The following IFNAR1 variants were observed in gnomAD, a reference collection of about 807,000 sequenced individuals.
The protein encoded by IFNAR1 is interferon alpha/beta receptor 1.
A neutral mutation model predicts 62.1 loss-of-function variants in IFNAR1; 47 were observed. The observed-to-expected ratio is 0.76, with a 90% CI of 0.60 to 0.97. IFNAR1 has a LOEUF of 0.97. Among genes scored for constraint, IFNAR1 ranks in the 50% least tolerant of loss-of-function variants. The pLI, the probability that IFNAR1 is intolerant of heterozygous loss-of-function variation, is 0.00. For synonymous variants in IFNAR1, 219 were observed against 226.9 expected, an observed-to-expected ratio of 0.97 and a Z score of 0.31; for missense variants, 638 against 654.5, an observed-to-expected ratio of 0.97 and a Z score of 0.27.
At chr21:33,325,231 C>A in intron 1 of IFNAR1, 100 bp downstream of exon 1, 3 of 1,028,182 alleles carry the variant, frequency 2.9e-6, no homozygotes, top group South Asian at 2.7e-5. Context: ...GACGCCCAGT[C>A]TGGGAAACCT....
chr21:33,332,058 A>G (rs1197877466), intron 1 of IFNAR1, among the ~76,000 whole-genome samples: 1 of 152,018 alleles, frequency 6.6e-6, no homozygotes, highest in East Asian at 1.9e-4. Context: ...CCCAGTAGCC[A>G]CTCTGAATAC....
intron 6 of IFNAR1, among the ~76,000 whole-genome samples, chr21:33,347,442 T>C (rs1276377432): frequency 6.6e-6 from 1 of 152,146 alleles, no homozygotes; most frequent in African/African-American, 2.4e-5. Flanking sequence ...TTTTTTTGTA[T>C]TTTTAGTAGA....
At chr21:33,355,161 G>A (rs2083435219) in intron 10 of IFNAR1, among the ~76,000 whole-genome samples, 155 bp from the exon 11 acceptor site, 1 of 152,056 alleles carries the variant, frequency 6.6e-6, no homozygotes, top group South Asian at 2.1e-4. Context: ...ACATTATAAG[G>A]CAATTAGTAT....
At chr21:33,327,020 A>G (rs1224191198) in intron 1 of IFNAR1, among the ~76,000 whole-genome samples, 2 of 152,114 alleles carry the variant, frequency 1.3e-5, no homozygotes, top group East Asian at 3.9e-4. Context: ...AGTGAGTTCA[A>G]AATACTTTAC....
chr21:33,351,555 T>TG (rs892553946), intron 8 of IFNAR1, among the ~76,000 whole-genome samples: 2 of 149,242 alleles, frequency 1.3e-5, no homozygotes, highest in Non-Finnish European at 3.0e-5. Flanking sequence ...TTATTTTATT[T>TG]TTTTTTTTTT....
At chr21:33,343,461 G>T (rs372921227) in intron 4 of IFNAR1, 39 bp downstream of exon 4, 2 of 1,580,922 alleles carry the variant, frequency 1.3e-6, no homozygotes, top group African/African-American at 2.7e-5. Flanking sequence ...CGATGTGAGA[G>T]AAAAATTAGG....
chr21:33,358,459 A>AATATATAATACAGATTAACATT lies in IFNAR1; in HGVS notation c.*2921_*2942dup, dbSNP rs1352752317. 2.8e-4 allele frequency: 42 copies of AATATATAATACAGATTAACATT among 152,176 alleles called. No homozygotes were observed. Among genetic ancestry groups the AATATATAATACAGATTAACATT allele is most frequent in the Middle Eastern group, 6.8e-3 (2 of 294 alleles). The allele number at this position is 152,176 out of a possible 1,614,324, so 9.4% of individuals were successfully genotyped here. A position where few individuals can be genotyped will look rare whatever the true frequency, so the allele number is the denominator to read the frequency against. ...TTAGAGCCAGAAATAATTTTATATT[A>AATATATAATACAGATTAACATT]ATATATAATACAGATTAACATTATA... On this transcript the variant is annotated 3_prime_UTR_variant, in exon 11 of 11. Transcript: ENST00000270139.
At position 33,334,547 on chromosome 21, in the gene IFNAR1, C is replaced by T. The variant is rs562930718; in HGVS notation, c.77-977C>T. 443 of 495,784 alleles carry T rather than the reference C, an allele frequency of 8.9e-4. 5 individuals are homozygous for T. Among genetic ancestry groups the T allele is most frequent in the South Asian group, 6.9e-3 (385 of 55,946 alleles). The allele number at this position is 495,784 out of a possible 1,614,324, so 30.7% of individuals were successfully genotyped here. A position where few individuals can be genotyped will look rare whatever the true frequency, so the allele number is the denominator to read the frequency against. ...GACAAAAGCTAAGGGAGTTCATTAC[C>T]GCTAGAACTGCCCTGCGAGAAATGC... On this transcript the variant is annotated intron_variant, in intron 1 of 10. Coordinates refer to ENST00000270139, the MANE Select transcript of IFNAR1 (RefSeq NM_000629.3).
At position 33,355,368 on chromosome 21, in the gene IFNAR1, A is replaced by G; in HGVS notation, c.1493A>G (p.Gln498Arg). ...KNLLLSTSEE[Q>R]IEKCFIIENI... ...CTTCTGCTTTCAACTTCTGAGGAAC[A>G]AATCGAAAAATGTTTCATAATTGAA... Residue 498 changes from glutamine to arginine, a missense_variant, in exon 11 of 11, where the codon CAA (glutamine) becomes CGA (arginine). Gln to Arg is a conservative substitution (Grantham distance 43, BLOSUM62 1). Transcript: ENST00000270139. 6.2e-7 allele frequency: 1 copy of G among 1,603,806 alleles called. No homozygotes were observed. The highest frequency in any genetic ancestry group is 8.5e-7 in the Non-Finnish European group (1 of 1,175,310).
upstream of IFNAR1, chr21:33,324,418 G>C (rs746455997): frequency 2.0e-5 from 3 of 153,400 alleles, no homozygotes; most frequent in Non-Finnish European, 4.4e-5. Flanking sequence ...ACACAGCAAC[G>C]GTCTGGTCGC....
At chr21:33,349,313 A>C in intron 7 of IFNAR1, 23 bp downstream of exon 7, 2 of 1,572,494 alleles carry the variant, frequency 1.3e-6, no homozygotes, top group Non-Finnish European at 1.7e-6. Context: ...TTTTTACTGG[A>C]GATTGTAATT....
At position 33,355,700 on chromosome 21, in the gene IFNAR1, G is replaced by A. The variant is rs974292658; in HGVS notation, c.*151G>A. On this transcript the variant is annotated 3_prime_UTR_variant, in exon 11 of 11. Transcript: ENST00000270139. ...TTCAGATCATAGGTCCTAAAAATACGGGCAAGCTCTTAACTATTTAAAAAT... is the reference window on the plus strand; with the variant it reads ...TTCAGATCATAGGTCCTAAAAATACAGGCAAGCTCTTAACTATTTAAAAAT... The A allele has an allele frequency of 6.2e-6, 3 of 484,476 alleles. No individual in the cohort carries two copies. Among genetic ancestry groups the A allele is most frequent in the Non-Finnish European group, 1.1e-5 (3 of 273,222 alleles). 30.0% of individuals were successfully genotyped at this position (484,476 alleles called of 1,614,324 possible). A position where few individuals can be genotyped will look rare whatever the true frequency, so the allele number is the denominator to read the frequency against.
At chr21:33,330,225 C>G (rs1311591444) in intron 1 of IFNAR1, among the ~76,000 whole-genome samples, 2 of 152,146 alleles carry the variant, frequency 1.3e-5, no homozygotes, top group Non-Finnish European at 2.9e-5. Context: ...GGTCATTGCT[C>G]CTTCTCGTCA....
rs1288166238 is a variant in IFNAR1, at chr21:33,358,572, C to G, written c.*3023C>G. The G allele has an allele frequency of 6.6e-6, 1 of 151,914 alleles. No individual in the cohort carries two copies. The highest frequency in any genetic ancestry group is 1.5e-5 in the Non-Finnish European group (1 of 68,016). The allele number at this position is 151,914 out of a possible 1,614,324, so 9.4% of individuals were successfully genotyped here. Reference sequence around the variant, plus strand: ...GCACATGTACCCACCTGATGTAGGTCTTATTCCTTTAGTATGGACTTAAAG... The same window carrying G: ...GCACATGTACCCACCTGATGTAGGTGTTATTCCTTTAGTATGGACTTAAAG... On this transcript the variant is annotated 3_prime_UTR_variant, in exon 11 of 11. Coordinates refer to ENST00000270139, the MANE Select transcript of IFNAR1 (RefSeq NM_000629.3).
At chr21:33,350,086 T>A (rs1041168064) in intron 8 of IFNAR1, among the ~76,000 whole-genome samples, 2 of 151,800 alleles carry the variant, frequency 1.3e-5, no homozygotes, top group Non-Finnish European at 2.9e-5. Flanking sequence ...TCTCTGGGGA[T>A]GGAACTCAGG....
At chr21:33,354,160 T>C (rs2083426745) in intron 10 of IFNAR1, among the ~76,000 whole-genome samples, 1 of 151,858 alleles carries the variant, frequency 6.6e-6, no homozygotes, top group African/African-American at 2.4e-5. Context: ...CTGGTCAACA[T>C]GGAGAAACCC....
rs141726819 is a variant in IFNAR1, at chr21:33,340,485, A to G, written c.201-514A>G. Among the ~76,000 whole-genome samples, 319 of 151,638 alleles carry G rather than the reference A, an allele frequency of 2.1e-3. 1 individual carries two copies. The highest frequency in any genetic ancestry group is 7.3e-3 in the African/African-American group (300 of 41,322). On this transcript the variant is annotated intron_variant, in intron 2 of 10. Coordinates refer to ENST00000270139, the MANE Select transcript of IFNAR1 (RefSeq NM_000629.3). Reference sequence around the variant, plus strand: ...ATGACCCTCTCACCTCAGCCTACCCAGTAGCTAGGACTGTGGGCATGTGCC... The same window carrying G: ...ATGACCCTCTCACCTCAGCCTACCCGGTAGCTAGGACTGTGGGCATGTGCC...
chr21:33,347,793 TG>T (rs539871955), intron 6 of IFNAR1, among the ~76,000 whole-genome samples: 25 of 152,266 alleles, frequency 1.6e-4, no homozygotes, highest in African/African-American at 5.1e-4. Context: ...GCAGGAATCT[TG>T]GGGGCCATCT....
intron 1 of IFNAR1, among the ~76,000 whole-genome samples, chr21:33,329,449 G>A (rs974541786): frequency 1.3e-5 from 2 of 151,774 alleles, no homozygotes; most frequent in African/African-American, 4.8e-5. Flanking sequence ...GGGGAGACCT[G>A]ATGGGTACCA....
Sources: gnomAD v4.1 joint callset for allele counts (sites outside exome capture counted in the v4.1 genomes callset) on GRCh38, gnomAD v4.1.1 for gene constraint, MANE v1.5 for transcripts, NCBI Gene and HGNC (gene_info 2026-07-23, HGNC 2026-07-21) for gene names.